Variants in C11orf58 observed in about 807,000 individuals in gnomAD.
The protein encoded by C11orf58 is small acidic protein.
A neutral mutation model predicts 22.7 loss-of-function variants in C11orf58; 5 were observed. The ratio of observed to expected loss-of-function variants is 0.22; its 90% CI spans 0.12 to 0.46. The LOEUF is 0.46. Among genes scored for constraint, C11orf58 ranks in the 20% least tolerant of loss-of-function variants. C11orf58 has a pLI of 0.99. For missense variants in C11orf58, 151 were observed against 223.3 expected (o/e 0.68, Z 2.06); for synonymous variants, 71 against 70.7 (o/e 1.00, Z -0.02).
chr11:16,738,913 G>A, intron 1 of C11orf58, 72 bp downstream of exon 1: 1 of 1,560,762 alleles, frequency 6.4e-7, no homozygotes, highest in Non-Finnish European at 8.8e-7. Flanking sequence ...AAGGGTGGTT[G>A]GAGGAGGACG....
intron 1 of C11orf58, among the ~76,000 whole-genome samples, chr11:16,740,478 C>CT (rs1402617913): frequency 1.3e-5 from 2 of 152,220 alleles, no homozygotes; most frequent in East Asian, 3.9e-4. Context: ...TCAGTGCTCC[C>CT]TGCAGCCTCC....
intron 4 of C11orf58, among the ~76,000 whole-genome samples, 174 bp from the exon 5 acceptor site, chr11:16,754,697 C>T (rs546521390): frequency 6.6e-6 from 1 of 151,464 alleles, no homozygotes; most frequent in East Asian, 1.9e-4. Context: ...CAGGTATGAG[C>T]CACTGGGCCC....
chr11:16,744,317 G>T lies in C11orf58; in HGVS notation c.64-284G>T, dbSNP rs1848472302. 3.3e-5 allele frequency: 11 copies of T among 332,874 alleles called. No homozygotes were observed. The South Asian group carries it at 4.1e-4, about 12-fold the overall frequency. 20.6% of individuals were successfully genotyped at this position (332,874 alleles called of 1,614,324 possible). A position where few individuals can be genotyped will look rare whatever the true frequency, so the allele number is the denominator to read the frequency against. On this transcript the variant is annotated intron_variant, in intron 1 of 4. Transcript: ENST00000228136. ...GACCCGCTGAATCTCTGGGGCTGTA[G>T]CCCTGCAGTCTGTTTTAACAAGCCC...
intron 3 of C11orf58, 85 bp from the exon 4 acceptor site, chr11:16,752,700 C>T (rs760076540): frequency 4.4e-4 from 366 of 841,174 alleles, no homozygotes; most frequent in Non-Finnish European, 6.1e-4. Flanking sequence ...TAAATCAGCC[C>T]TGAGTATAAT....
rs1848418055 is a variant in C11orf58, at chr11:16,738,819, G to T, written c.41G>T (p.Arg14Leu). 3 of 1,614,126 alleles carry T rather than the reference G, an allele frequency of 1.9e-6. No homozygotes were observed. The highest frequency in any genetic ancestry group is 2.5e-6 in the Non-Finnish European group (3 of 1,180,008). The change falls in exon 1 of 5, where the codon CGT (arginine) becomes CTT (leucine). Residue 14 changes from arginine to leucine, a missense_variant. Arg to Leu is a moderately radical substitution (Grantham distance 102). Transcript: ENST00000228136. ...ARESHPHGVK[R>L]SASPDDDLGS... ...GAGTCTCACCCGCATGGGGTGAAGC[G>T]TTCAGCCTCCCCAGACGACGATGTA...
rs1848417762 is a variant in C11orf58 at position 16,738,799 on chromosome 11, T to C, written c.21T>C (p.Ser7=). 1 of 1,613,570 alleles carries C rather than the reference T, an allele frequency of 6.2e-7. No homozygotes were observed. Among genetic ancestry groups the C allele is most frequent in the African/African-American group, 1.3e-5 (1 of 74,740 alleles). The part of the protein sequence containing the change: MSAARE[S]HPHGVKRSAS... ...CAAGGATGAGTGCTGCCAGAGAGTC[T>C]CACCCGCATGGGGTGAAGCGTTCAG... The change falls in exon 1 of 5, where the codon TCT becomes TCC. Residue 7 remains serine, a synonymous_variant. Transcript: ENST00000228136.
chr11:16,750,933 T>C (rs1162741816), intron 3 of C11orf58: 1 of 152,216 alleles, frequency 6.6e-6, no homozygotes, highest in African/African-American at 2.4e-5. Context: ...TGCTGGCTAG[T>C]TGGAAAATGC....
Position 16,738,853 on chromosome 11 carries a change from T to A in C11orf58, c.63+12T>A, listed in dbSNP as rs1205721151. 4 of 1,613,710 alleles carry A rather than the reference T, an allele frequency of 2.5e-6. No homozygotes were observed. Among genetic ancestry groups the A allele is most frequent in the Non-Finnish European group, 3.4e-6 (4 of 1,179,906 alleles). On this transcript the variant is annotated intron_variant, in intron 1 of 4. Coordinates refer to ENST00000228136, the MANE Select transcript of C11orf58 (RefSeq NM_014267.6). ...CCCCAGACGACGATGTAAATAATAA[T>A]GGCGGAGTGGCTGAGGGTTGAGGCC...
intron 4 of C11orf58, 151 bp from the exon 5 acceptor site, chr11:16,754,720 C>T: frequency 7.7e-7 from 1 of 1,294,686 alleles, no homozygotes; most frequent in Non-Finnish European, 1.0e-6. Context: ...CCAGACAGAG[C>T]TCTTTCTTAA....
At chr11:16,753,949 C>T in intron 4 of C11orf58, 2 of 559,000 alleles carry the variant, frequency 3.6e-6, no homozygotes, top group Non-Finnish European at 6.6e-6. Flanking sequence ...ATCTTTCCGC[C>T]TTCCAAAGTG....
chr11:16,754,547 CTTTTTTTTTTTTTTTTTTTTTTTTTTT>C (rs573626223), intron 4 of C11orf58, among the ~76,000 whole-genome samples: 2 of 31,446 alleles, frequency 6.4e-5, no homozygotes, highest in Admixed American at 9.5e-4. Flanking sequence ...CTCTCTCTCC[CTTTTTTTTTTTTTTTTTTTTTTTTTTT>C]TTTTTTTTTT....
At position 16,738,653 on chromosome 11, in the gene C11orf58, G is replaced by C; in HGVS notation, c.-126G>C. ...CAACGGTGACGACTGTGGCAGAGAA[G>C]GCCCGGAGGGGCTCTGCGTTCTGTA... On this transcript the variant is annotated 5_prime_UTR_variant, in exon 1 of 5. Coordinates refer to ENST00000228136, the MANE Select transcript of C11orf58 (RefSeq NM_014267.6). The C allele has an allele frequency of 3.8e-6, 4 of 1,062,824 alleles. No homozygotes were observed. The highest frequency in any genetic ancestry group is 5.8e-6 in the Non-Finnish European group (4 of 692,840). 65.8% of individuals were successfully genotyped at this position (1,062,824 alleles called of 1,614,324 possible).
chr11:16,739,828 A>C (rs78462044), intron 1 of C11orf58, among the ~76,000 whole-genome samples: 1,590 of 152,298 alleles, frequency 0.01, 21 homozygotes, highest in African/African-American at 0.036. Flanking sequence ...TTCTGAATAC[A>C]TAGAGCTTTA....
rs1848584715 is a variant in C11orf58 at position 16,756,977 on chromosome 11, T to C, written c.*1873T>C. 6.6e-6 allele frequency: 1 copy of C among 152,096 alleles called. No individual in the cohort carries two copies. Among genetic ancestry groups the C allele is most frequent in the Non-Finnish European group, 1.5e-5 (1 of 68,014 alleles). 9.4% of individuals were successfully genotyped at this position (152,096 alleles called of 1,614,324 possible). On this transcript the variant is annotated 3_prime_UTR_variant, in exon 5 of 5. Transcript: ENST00000228136. ...AACAAGTAGAACAGGTGATTTCTGG[T>C]TGATAGACTCTATCTTGCAGTATAT...
chr11:16,754,383 T>C (rs971373819), intron 4 of C11orf58, among the ~76,000 whole-genome samples: 4 of 151,752 alleles, frequency 2.6e-5, no homozygotes, highest in Admixed American at 6.6e-5. Flanking sequence ...CAGGCTGGAA[T>C]GTAGTGGCAT....
At position 16,755,933 on chromosome 11, in the gene C11orf58, G is replaced by GA. The variant is rs1482191844; in HGVS notation, c.*831dup. The GA allele has an allele frequency of 6.6e-6, 1 of 152,518 alleles. No individual in the cohort carries two copies. Among genetic ancestry groups the GA allele is most frequent in the Non-Finnish European group, 1.5e-5 (1 of 68,018 alleles). The allele number at this position is 152,518 out of a possible 1,614,324, so 9.4% of individuals were successfully genotyped here. A position where few individuals can be genotyped will look rare whatever the true frequency, so the allele number is the denominator to read the frequency against. ...TTTATCCTCATTATCTACAAATGAGGAACAGGCTTACTGATAAGAAGCTGA... is the reference window on the plus strand; with the variant it reads ...TTTATCCTCATTATCTACAAATGAGGAAACAGGCTTACTGATAAGAAGCTGA... On this transcript the variant is annotated 3_prime_UTR_variant, in exon 5 of 5. Transcript: ENST00000228136.
intron 3 of C11orf58, chr11:16,749,925 GC>G: frequency 6.6e-6 from 1 of 152,278 alleles, no homozygotes. Context: ...CATGTGGCCT[GC>G]CCATTACTTA....
chr11:16,741,560 G>C (rs1370944349), intron 1 of C11orf58, among the ~76,000 whole-genome samples: 1 of 152,186 alleles, frequency 6.6e-6, no homozygotes, highest in Non-Finnish European at 1.5e-5. Flanking sequence ...TTTAAGGCAG[G>C]GCTCTCCAAC....
intron 1 of C11orf58, among the ~76,000 whole-genome samples, chr11:16,743,404 CTT>C (rs1397406600): frequency 3.3e-5 from 5 of 151,986 alleles, no homozygotes; most frequent in Admixed American, 2.6e-4. Flanking sequence ...TCTTGTTTGT[CTT>C]TTTTTTCTTT....
Sources: gnomAD v4.1 joint callset for allele counts (sites outside exome capture counted in the v4.1 genomes callset) on GRCh38, gnomAD v4.1.1 for gene constraint, MANE v1.5 for transcripts, NCBI Gene and HGNC (gene_info 2026-07-23, HGNC 2026-07-21) for gene names.